ADCY8: variants seen among roughly 807,000 people sequenced by gnomAD.
ADCY8 encodes the protein adenylate cyclase 8.
Under a neutral mutation model 119.7 loss-of-function variants are expected in ADCY8, and 51 were observed. The ratio of observed to expected loss-of-function variants is 0.43; its 90% confidence interval spans 0.34 to 0.54. ADCY8 has a LOEUF of 0.54. ADCY8 is among the 20% of genes least tolerant of loss of function. The pLI, the probability that ADCY8 is intolerant of heterozygous loss-of-function variation, is 0.03. For missense variants in ADCY8, 1,383 were observed against 1,598.8 expected (o/e 0.87, Z 2.30); for synonymous variants, 665 against 651.0 (o/e 1.02, Z -0.33).
chr8:130,785,605 T>G, intron 15 of ADCY8, 130 bp from the exon 16 acceptor site: 1 of 565,076 alleles, frequency 1.8e-6, no homozygotes, highest in Non-Finnish European at 3.0e-6. Context: ...TATCTGCTTT[T>G]CTCTCTGAGA....
intron 1 of ADCY8, among the ~76,000 whole-genome samples, chr8:130,997,806 G>A (rs1378678303): frequency 1.3e-5 from 2 of 152,154 alleles, no homozygotes; most frequent in South Asian, 4.1e-4. Context: ...ATATGGTGAT[G>A]ACCATCTCAG....
At chr8:131,004,012 G>A (rs974499052) in intron 1 of ADCY8, among the ~76,000 whole-genome samples, 6 of 152,136 alleles carry the variant, frequency 3.9e-5, no homozygotes, top group Non-Finnish European at 5.9e-5. Context: ...AAGACTTGTT[G>A]AGCCTTTCCT....
At chr8:130,791,870 T>C (rs1263164797) in intron 15 of ADCY8, among the ~76,000 whole-genome samples, 1 of 152,260 alleles carries the variant, frequency 6.6e-6, no homozygotes, top group Admixed American at 6.5e-5. Flanking sequence ...TCACCCTCTC[T>C]GCTAGATTTT....
In ADCY8 at chr8:131,033,745, T is replaced by G. The variant is rs1026495589; in HGVS notation, c.960+5629A>C. On this transcript the variant is annotated intron_variant, in intron 1 of 17. Transcript: ENST00000286355. ...TTAAGATATCCTTTGTAAAGCCCAT[T>G]CTCCACCAACACACATACACAAAAG... Among the ~76,000 whole-genome samples the G allele has an allele frequency of 6.0e-5, 9 of 150,664 alleles. No individual in the cohort carries two copies. The East Asian group carries it at 1.6e-3, about 26-fold the overall frequency.
intron 15 of ADCY8, among the ~76,000 whole-genome samples, chr8:130,787,094 C>A (rs1476838556): frequency 6.6e-6 from 1 of 152,132 alleles, no homozygotes; most frequent in Non-Finnish European, 1.5e-5. Context: ...GGGGCCAGAA[C>A]ACACAAGGCC....
At chr8:130,795,813 A>G (rs1230760518) in intron 15 of ADCY8, among the ~76,000 whole-genome samples, 2 of 151,608 alleles carry the variant, frequency 1.3e-5, no homozygotes, top group African/African-American at 4.9e-5. Flanking sequence ...GTGTATGTAT[A>G]GCCTGATTTA....
chr8:130,971,399 A>G (rs530047304), intron 2 of ADCY8, among the ~76,000 whole-genome samples: 1 of 152,296 alleles, frequency 6.6e-6, no homozygotes, highest in South Asian at 2.1e-4. Flanking sequence ...TTATTTGTAT[A>G]TTACTGCAGA....
chr8:130,785,483 A>C lies in ADCY8; in HGVS notation c.3061-8T>G, dbSNP rs1053048772. On this transcript the variant is annotated splice_polypyrimidine_tract_variant and splice_region_variant and intron_variant, in intron 15 of 17. Coordinates refer to ENST00000286355, the MANE Select transcript of ADCY8 (RefSeq NM_001115.3). Reference sequence around the variant, plus strand: ...TCGGTCTTCACCAAGCAACTGAAAGAGAGCCAGGCAATGGTGTTAGCCCTG... The same window carrying C: ...TCGGTCTTCACCAAGCAACTGAAAGCGAGCCAGGCAATGGTGTTAGCCCTG... The C allele has an allele frequency of 1.9e-6, 3 of 1,604,132 alleles. No individual in the cohort carries two copies. Among genetic ancestry groups the C allele is most frequent in the Non-Finnish European group, 8.5e-7 (1 of 1,174,540 alleles).
rs150044686 is a variant in ADCY8, at chr8:130,935,737, C to T, written c.1481+1336G>A. Among the ~76,000 whole-genome samples, 13 of 152,304 alleles carry T rather than the reference C, an allele frequency of 8.5e-5. No homozygotes were observed. In the East Asian group the frequency reaches 9.6e-4, roughly 11 times the overall value. On this transcript the variant is annotated intron_variant, in intron 5 of 17. Transcript: ENST00000286355. ...TGCCCACTGCCTTCTTTCAACCAAA[C>T]GTGGTTTTTCCTCATGGTAGCTTCT...
chr8:130,791,262 A>G (rs1815418464), intron 15 of ADCY8, among the ~76,000 whole-genome samples: 1 of 152,230 alleles, frequency 6.6e-6, no homozygotes, highest in South Asian at 2.1e-4. Flanking sequence ...AGAATGCTGG[A>G]GCAGCATGCC....
intron 11 of ADCY8, among the ~76,000 whole-genome samples, chr8:130,837,794 A>T (rs1214724879): frequency 1.3e-5 from 2 of 152,222 alleles, no homozygotes; most frequent in Admixed American, 6.5e-5. Context: ...TTTCACTTGT[A>T]ACATTCAAAG....
chr8:130,905,349 A>C (rs1413041902), intron 6 of ADCY8, among the ~76,000 whole-genome samples: 1 of 152,130 alleles, frequency 6.6e-6, no homozygotes, highest in Non-Finnish European at 1.5e-5. Flanking sequence ...CCTCTAATAT[A>C]GCTCTCCTAT....
intron 1 of ADCY8, among the ~76,000 whole-genome samples, chr8:130,997,299 G>A (rs1822810138): frequency 1.3e-5 from 2 of 152,068 alleles, no homozygotes; most frequent in African/African-American, 4.8e-5. Context: ...GCACGCACTT[G>A]TGTAAATATG....
chr8:130,851,608 T>TTAA (rs1308645703), intron 9 of ADCY8, among the ~76,000 whole-genome samples: 1 of 152,046 alleles, frequency 6.6e-6, no homozygotes, highest in East Asian at 1.9e-4. Context: ...GGAAACGTGT[T>TTAA]CAGAAGAGTT....
intron 1 of ADCY8, among the ~76,000 whole-genome samples, chr8:131,006,048 T>TCA (rs1425053748): frequency 2.0e-5 from 3 of 151,414 alleles, no homozygotes; most frequent in East Asian, 1.9e-4. Flanking sequence ...TCTCTCTCTG[T>TCA]CACACACACA....
intron 4 of ADCY8, among the ~76,000 whole-genome samples, chr8:130,939,848 A>G (rs1250811498): frequency 5.9e-5 from 9 of 152,030 alleles, no homozygotes; most frequent in Non-Finnish European, 1.5e-5. Flanking sequence ...TCACAATAAA[A>G]CTCTGAACAT....
chr8:130,951,816 C>A, intron 3 of ADCY8, 52 bp downstream of exon 3: 3 of 1,603,572 alleles, frequency 1.9e-6, no homozygotes, highest in Non-Finnish European at 2.6e-6. Flanking sequence ...TGAGAGCACC[C>A]AAACACACAT....
chr8:130,869,730 G>T (rs1239395815), intron 8 of ADCY8, among the ~76,000 whole-genome samples: 7 of 151,688 alleles, frequency 4.6e-5, no homozygotes, highest in Non-Finnish European at 8.8e-5. Flanking sequence ...TGTTAGCCAG[G>T]ATGGTCTCGA....
In ADCY8 at chr8:130,867,892, C is replaced by G; in HGVS notation, c.2164G>C (p.Val722Leu). 6.2e-7 allele frequency: 1 copy of G among 1,611,228 alleles called. No individual in the cohort carries two copies. Among genetic ancestry groups the G allele is most frequent in the Non-Finnish European group, 8.5e-7 (1 of 1,178,572 alleles). Reference sequence around the variant, plus strand: ...TGTATTGCCGTGATAAATAGAAGAACGATAAATGCACAGACCAAGTTTGAC... The same window carrying G: ...TGTATTGCCGTGATAAATAGAAGAAGGATAAATGCACAGACCAAGTTTGAC... ...FKSNLVCAFI[V>L]LLFITAIQSL... is the part of the protein sequence containing the mutation. The change falls in exon 9 of 18, where the codon GTT (valine) becomes CTT (leucine). Residue 722 changes from valine to leucine, a missense_variant. Transcript: ENST00000286355.
Sources: allele counts gnomAD v4.1 joint callset (sites outside exome capture counted in the v4.1 genomes callset), GRCh38; gene constraint gnomAD v4.1.1; transcripts MANE v1.5; gene names NCBI Gene and HGNC (gene_info 2026-07-23, HGNC 2026-07-21).